BEGAIN: variants seen among roughly 807,000 people sequenced by gnomAD.
The protein encoded by BEGAIN is brain enriched guanylate kinase associated, also known as brain-enriched guanylate kinase-associated protein.
In BEGAIN, 19 loss-of-function variants were observed where a neutral mutation model predicts 35.8. The observed-to-expected ratio is 0.53, with a 90% CI of 0.37 to 0.78. The LOEUF (loss-of-function observed/expected upper bound fraction) is 0.78, where lower values mean the gene tolerates loss of function less well. BEGAIN is among the 30% of genes least tolerant of loss of function. The pLI, the probability that BEGAIN is intolerant of heterozygous loss-of-function variation, is 0.00. For synonymous variants in BEGAIN, 462 were observed against 388.6 expected, an observed-to-expected ratio of 1.19 and a Z score of -2.22; for missense variants, 795 against 853.6, an observed-to-expected ratio of 0.93 and a Z score of 0.85.
intron 2 of BEGAIN, among the ~76,000 whole-genome samples, chr14:100,555,188 C>A (rs545429951): frequency 6.6e-6 from 1 of 152,260 alleles, no homozygotes; most frequent in East Asian, 1.9e-4. Context: ...TTCTGCCCCC[C>A]GCCAGGGCCG....
chr14:100,541,313 C>G (rs1440430403), intron 5 of BEGAIN, among the ~76,000 whole-genome samples: 1 of 152,230 alleles, frequency 6.6e-6, no homozygotes, highest in African/African-American at 2.4e-5. Flanking sequence ...TGGGGTGGCC[C>G]GGAGGCCCAG....
intron 2 of BEGAIN, among the ~76,000 whole-genome samples, chr14:100,551,174 C>CCTGCCTCTGCCT (rs2033157794): frequency 6.6e-6 from 1 of 152,210 alleles, no homozygotes; most frequent in Non-Finnish European, 1.5e-5. Context: ...CTCCCCTGCC[C>CCTGCCTCTGCCT]CTGCCTGTGG....
At position 100,558,546 on chromosome 14, in the gene BEGAIN, T is replaced by C. The variant is rs943130380; in HGVS notation, c.71+9365A>G. Among the ~76,000 whole-genome samples, 1 of 152,174 alleles carries C rather than the reference T, an allele frequency of 6.6e-6. No homozygotes were observed. Among genetic ancestry groups the C allele is most frequent in the African/African-American group, 2.4e-5 (1 of 41,416 alleles). On this transcript the variant is annotated intron_variant, in intron 2 of 6. Coordinates refer to ENST00000554140, the MANE Select transcript of BEGAIN (RefSeq NM_001385089.1). The surrounding 1 kb of genome is among the most constrained non-coding windows in gnomAD (Gnocchi z 4.6). The stretch of plus-strand genomic sequence containing the variant: ...CCATCTCTCTGCTGAGGCCCCCACA[T>C]TGGCTGCTCCCCAACTCCATTGCCT...
In BEGAIN at chr14:100,587,302, A is replaced by C. The variant is rs2035467661; in HGVS notation, c.-12T>G. 1 of 154,400 alleles carries C rather than the reference A, an allele frequency of 6.5e-6. No individual in the cohort carries two copies. The highest frequency in any genetic ancestry group is 1.4e-5 in the Non-Finnish European group (1 of 71,974). The allele number at this position is 154,400 out of a possible 1,614,324, so 9.6% of individuals were successfully genotyped here. ...CCGCCAGTCCACATGGCCCCAGGGCAGCCGCGCCGCTCACCGCCGCCGCCG... is the reference window on the plus strand; with the variant it reads ...CCGCCAGTCCACATGGCCCCAGGGCCGCCGCGCCGCTCACCGCCGCCGCCG... On this transcript the variant is annotated 5_prime_UTR_variant, in exon 1 of 7. Transcript: ENST00000554140.
intron 1 of BEGAIN, among the ~76,000 whole-genome samples, chr14:100,578,143 G>A (rs1049425659): frequency 1.3e-5 from 2 of 152,306 alleles, no homozygotes; most frequent in South Asian, 2.1e-4. Flanking sequence ...CCCCCAAATC[G>A]ATTCTCACTA....
In BEGAIN at chr14:100,538,319, C is replaced by A; in HGVS notation, c.1489G>T (p.Glu497Ter). The change falls in exon 7 of 7, where the codon GAG becomes TAG. Residue 497 changes from glutamate (E) to a stop codon, truncating the protein, a stop_gained. Transcript: ENST00000554140. LOFTEE classifies it high-confidence loss of function. ...YASYKADSFS[E>*]GDDLSQGHLA... is the part of the protein sequence containing the mutation. ...TGGCCCTGGGAGAGGTCGTCCCCCT[C>A]GGAGAAGCTGTCGGCCTTGTAGCTG... 2 of 1,522,876 alleles carry A rather than the reference C, an allele frequency of 1.3e-6. No individual in the cohort carries two copies. Among genetic ancestry groups the A allele is most frequent in the South Asian group, 2.5e-5 (2 of 79,358 alleles). 94.3% of individuals were successfully genotyped at this position (1,522,876 alleles called of 1,614,324 possible).
At chr14:100,561,282 A>C (rs780786403) in intron 2 of BEGAIN, among the ~76,000 whole-genome samples, 3 of 152,210 alleles carry the variant, frequency 2.0e-5, no homozygotes, top group Non-Finnish European at 4.4e-5. Flanking sequence ...GGTGGGCAGC[A>C]AGGCCCAAGC....
intron 4 of BEGAIN, 116 bp downstream of exon 4, chr14:100,544,884 G>A: frequency 9.8e-7 from 1 of 1,021,886 alleles, no homozygotes; most frequent in East Asian, 2.4e-5. Flanking sequence ...GGAGAAAGGG[G>A]TGGGACCAGC....
intron 1 of BEGAIN, chr14:100,569,493 A>T (rs2034995628): frequency 6.6e-6 from 1 of 152,190 alleles, no homozygotes; most frequent in Non-Finnish European, 1.5e-5. Context: ...CTCAATAAAC[A>T]CGGACAGTGC....
Position 100,539,072 on chromosome 14 carries a change from AG to A in BEGAIN, c.735del (p.Tyr246ThrfsTer25). 1 of 1,612,628 alleles carries A rather than the reference AG, an allele frequency of 6.2e-7. No homozygotes were observed. Among genetic ancestry groups the A allele is most frequent in the Non-Finnish European group, 8.5e-7 (1 of 1,179,582 alleles). On this transcript the variant is annotated frameshift_variant, in exon 7 of 7. Transcript: ENST00000554140. LOFTEE classifies it high-confidence loss of function. ...CAGTAGAGGGCTGTGTCACTGCAGT[AG>A]ATGTCTCCCTTGTAGGGGGGCCGCG... Reference protein sequence around the residue: ...PGPRPPYKGDIYCSDTALYCP... With the variant: ...PGPRPPYKGDXYCSDTALYCP...
At chr14:100,545,537 A>T (rs2032264113) in intron 3 of BEGAIN, 1 of 687,630 alleles carries the variant, frequency 1.5e-6, no homozygotes, top group African/African-American at 2.0e-5. Flanking sequence ...GCCGGGTAGG[A>T]GGAGTGGAGC....
At chr14:100,585,424 CCA>C (rs2035422801) in intron 1 of BEGAIN, among the ~76,000 whole-genome samples, 1 of 118,160 alleles carries the variant, frequency 8.5e-6, no homozygotes, top group Non-Finnish European at 1.8e-5. Flanking sequence ...TCCCATCCAT[CCA>C]TCCATCCATC....
chr14:100,550,979 A>G (rs2033135345), intron 2 of BEGAIN, among the ~76,000 whole-genome samples: 1 of 151,988 alleles, frequency 6.6e-6, no homozygotes, highest in Non-Finnish European at 1.5e-5. Flanking sequence ...GATGGGTGCA[A>G]GCTCCCCCTC....
At chr14:100,574,755 G>A (rs1427869014) in intron 1 of BEGAIN, among the ~76,000 whole-genome samples, 1 of 152,068 alleles carries the variant, frequency 6.6e-6, no homozygotes, top group East Asian at 1.9e-4. Context: ...CCCTATTATC[G>A]GGAGGCTGAG....
rs138603937 is a variant in BEGAIN at position 100,575,211 on chromosome 14, A to C, written c.43-7272T>G. ...AACGGTCTGCAGGTTGGTGACTGGAAGCCAGGGATCTGCCTTGCTTCCCCA... is the reference window on the plus strand; with the variant it reads ...AACGGTCTGCAGGTTGGTGACTGGACGCCAGGGATCTGCCTTGCTTCCCCA... On this transcript the variant is annotated intron_variant, in intron 1 of 6. Transcript: ENST00000554140. 8.8e-3 allele frequency among the ~76,000 whole-genome samples: 1,347 copies of C among 152,254 alleles called. 26 individuals carry two copies. Among genetic ancestry groups the C allele is most frequent in the African/African-American group, 0.031 (1,277 of 41,540 alleles).
intron 2 of BEGAIN, among the ~76,000 whole-genome samples, chr14:100,554,764 C>G (rs995716319): frequency 6.6e-6 from 1 of 152,178 alleles, no homozygotes; most frequent in African/African-American, 2.4e-5. Flanking sequence ...AGACTATGTT[C>G]TACCCTGGCT....
At chr14:100,544,793 G>T (rs560489983) in intron 4 of BEGAIN, among the ~76,000 whole-genome samples, 1 of 152,274 alleles carries the variant, frequency 6.6e-6, no homozygotes, top group East Asian at 1.9e-4. Context: ...GCTCGCACCC[G>T]CCACTCAGGC....
Position 100,568,116 on chromosome 14 carries a change from G to A in BEGAIN, c.43-177C>T. 2.0e-6 allele frequency: 2 copies of A among 1,020,244 alleles called. No individual in the cohort carries two copies. The highest frequency in any genetic ancestry group is 2.3e-6 in the Non-Finnish European group (2 of 853,322). The allele number at this position is 1,020,244 out of a possible 1,614,324, so 63.2% of individuals were successfully genotyped here. Reference sequence around the variant, plus strand: ...CGGCCGCGGCCCCCGTGACTCAGTGGGCGCGCCGGGCCGCGGCCGAGTAAC... The same window carrying A: ...CGGCCGCGGCCCCCGTGACTCAGTGAGCGCGCCGGGCCGCGGCCGAGTAAC... On this transcript the variant is annotated intron_variant, in intron 1 of 6. Transcript: ENST00000554140. This position sits in a 1 kb window ranked among gnomAD's most constrained non-coding sequence, Gnocchi z 7.5.
At chr14:100,581,154 C>T (rs556242329) in intron 1 of BEGAIN, among the ~76,000 whole-genome samples, 1 of 152,348 alleles carries the variant, frequency 6.6e-6, no homozygotes, top group East Asian at 1.9e-4. Flanking sequence ...TGGGGCAGTA[C>T]TCAGCCCATG....
Sources: gnomAD v4.1 joint callset for allele counts (sites outside exome capture counted in the v4.1 genomes callset) on GRCh38, gnomAD v4.1.1 for gene constraint, Gnocchi (gnomAD v3.1) non-coding constraint, MANE v1.5 for transcripts, NCBI Gene and HGNC (gene_info 2026-07-23, HGNC 2026-07-21) for gene names.